Variants in KLHL4 observed in about 807,000 individuals in gnomAD.
The protein encoded by KLHL4 is kelch-like protein 4.
Under a neutral mutation model 45.8 loss-of-function variants are expected in KLHL4, and 17 were observed. The observed-to-expected ratio is 0.37, with a 90% CI of 0.25 to 0.56. KLHL4 has a LOEUF of 0.56. Ranked by LOEUF, KLHL4 falls within the 20% of genes least tolerant of loss-of-function variation. The probability of loss-of-function intolerance (pLI) is 0.79; values close to 1 mark genes in which losing one functional copy is unlikely to be tolerated. For synonymous variants in KLHL4, 224 were observed against 189.9 expected, an observed-to-expected ratio of 1.18 and a Z score of -1.47; for missense variants, 544 against 544.9, an observed-to-expected ratio of 1.00 and a Z score of 0.02.
chrX:87,584,193 A>G (rs1921382302), intron 1 of KLHL4, among the ~76,000 whole-genome samples: 2 of 111,875 alleles, frequency 1.8e-5, no homozygotes, highest in South Asian at 7.4e-4. Context: ...TTAAATCACA[A>G]TACCCAAGTC....
chrX:87,584,047 A>G (rs1159693843), intron 1 of KLHL4, among the ~76,000 whole-genome samples: 3 of 111,519 alleles, frequency 2.7e-5, no homozygotes, highest in African/African-American at 9.8e-5. Context: ...ACAAAAGGAA[A>G]AGGAACAAAA....
intron 1 of KLHL4, among the ~76,000 whole-genome samples, chrX:87,594,239 A>G (rs988071317): frequency 2.2e-4 from 25 of 111,868 alleles, no homozygotes; most frequent in Non-Finnish European, 4.5e-4. Context: ...AAATGTATGC[A>G]TGCTGTTTTT....
intron 4 of KLHL4, among the ~76,000 whole-genome samples, chrX:87,620,070 C>A (rs995684595): frequency 9.0e-6 from 1 of 111,202 alleles, no homozygotes; most frequent in African/African-American, 3.3e-5. Context: ...TGTCTGGGTA[C>A]CCCGTTCGTT....
At chrX:87,655,857 A>G (rs1409775888) in intron 9 of KLHL4, among the ~76,000 whole-genome samples, 1 of 111,570 alleles carries the variant, frequency 9.0e-6, no homozygotes, top group Non-Finnish European at 1.9e-5. Context: ...AACTTCCTTG[A>G]GCATTTCTTG....
chrX:87,545,010 G>T (rs758729446), intron 1 of KLHL4, among the ~76,000 whole-genome samples: 2 of 112,228 alleles, frequency 1.8e-5, no homozygotes, highest in Non-Finnish European at 3.8e-5. Flanking sequence ...TTCAGACAGA[G>T]AATTCAAAAT....
At chrX:87,642,077 G>C (rs2147830643) in intron 9 of KLHL4, among the ~76,000 whole-genome samples, 2 of 110,989 alleles carry the variant, frequency 1.8e-5, no homozygotes, top group Non-Finnish European at 3.8e-5. Flanking sequence ...CCTGGCAGGA[G>C]GCCACCCAGA....
chrX:87,657,852 C>T (rs754088293), intron 9 of KLHL4, among the ~76,000 whole-genome samples: 15 of 111,966 alleles, frequency 1.3e-4, no homozygotes, highest in Middle Eastern at 9.3e-3. Context: ...CATAATCAGG[C>T]TCCCCAGTAG....
At chrX:87,568,395 T>TTC (rs1272507983) in intron 1 of KLHL4, among the ~76,000 whole-genome samples, 1 of 99,809 alleles carries the variant, frequency 1.0e-5, no homozygotes, top group Non-Finnish European at 2.0e-5. Flanking sequence ...TTTTTTCTTT[T>TTC]TTTTTTTTTT....
intron 1 of KLHL4, among the ~76,000 whole-genome samples, chrX:87,602,386 C>T (rs1046399455): frequency 5.4e-5 from 6 of 111,568 alleles, no homozygotes; most frequent in African/African-American, 1.6e-4. Context: ...CCACCCAGAG[C>T]GACTTTTAAT....
intron 1 of KLHL4, among the ~76,000 whole-genome samples, chrX:87,568,396 T>C (rs1347081549): frequency 7.0e-5 from 7 of 100,114 alleles, no homozygotes; most frequent in Non-Finnish European, 1.2e-4. Flanking sequence ...TTTTTCTTTT[T>C]TTTTTTTTTT....
intron 1 of KLHL4, among the ~76,000 whole-genome samples, chrX:87,542,504 A>G (rs1931581064): frequency 8.9e-6 from 1 of 112,200 alleles, no homozygotes; most frequent in Non-Finnish European, 1.9e-5. Flanking sequence ...GTAAGACATA[A>G]AGCCAAAAAA....
intron 5 of KLHL4, among the ~76,000 whole-genome samples, chrX:87,624,792 A>C (rs1602450655): frequency 8.9e-6 from 1 of 112,500 alleles, no homozygotes; most frequent in Non-Finnish European, 1.9e-5. Flanking sequence ...AGGTAATGAT[A>C]GTTAAAAAGA....
intron 1 of KLHL4, among the ~76,000 whole-genome samples, chrX:87,531,339 C>T (rs1407719015): frequency 9.0e-6 from 1 of 110,713 alleles, no homozygotes. Flanking sequence ...GAAGTCCTTG[C>T]CCATGCCTAT....
intron 5 of KLHL4, among the ~76,000 whole-genome samples, chrX:87,623,453 C>G (rs1922825351): frequency 1.8e-5 from 2 of 108,550 alleles, no homozygotes; most frequent in South Asian, 8.2e-4. Flanking sequence ...GCCACCACAC[C>G]CAGCTAATTT....
intron 1 of KLHL4, among the ~76,000 whole-genome samples, chrX:87,553,708 A>G (rs1002710946): frequency 3.6e-5 from 4 of 111,340 alleles, no homozygotes. Flanking sequence ...TTTATATTGG[A>G]CTCATTTAAA....
At chrX:87,585,602 C>CA (rs1921445416) in intron 1 of KLHL4, among the ~76,000 whole-genome samples, 1 of 109,831 alleles carries the variant, frequency 9.1e-6, no homozygotes, top group African/African-American at 3.3e-5. Flanking sequence ...AACCTCAAAC[C>CA]AAAAAACATA....
intron 1 of KLHL4, among the ~76,000 whole-genome samples, chrX:87,554,647 A>G (rs958932662): frequency 8.4e-5 from 9 of 107,389 alleles, no homozygotes; most frequent in African/African-American, 3.0e-4. Context: ...TAGATATACA[A>G]TCATGTCATC....
intron 9 of KLHL4, among the ~76,000 whole-genome samples, chrX:87,642,099 G>A (rs1441142439): frequency 1.8e-5 from 2 of 110,956 alleles, no homozygotes; most frequent in Non-Finnish European, 3.8e-5. Context: ...CAAAAATGAA[G>A]CATTAAACCA....
chrX:87,632,606 C>G (rs192062204), intron 7 of KLHL4, among the ~76,000 whole-genome samples, 172 bp downstream of exon 7: 5 of 111,532 alleles, frequency 4.5e-5, no homozygotes, highest in Admixed American at 1.9e-4. Flanking sequence ...GTTATTGTTG[C>G]AGGTTACTCC....
Sources: gnomAD v4.1 joint callset for allele counts (sites outside exome capture counted in the v4.1 genomes callset) on GRCh38, gnomAD v4.1.1 for gene constraint, MANE v1.5 for transcripts, NCBI Gene and HGNC (gene_info 2026-07-23, HGNC 2026-07-21) for gene names.